Variants in MACROD2 observed in about 807,000 individuals in gnomAD.
MACROD2 encodes the protein ADP-ribose glycohydrolase MACROD2.
Under a neutral mutation model 70.4 loss-of-function variants are expected in MACROD2, and 36 were observed. That is an observed-to-expected ratio of 0.51 (90% confidence interval 0.39 to 0.68). MACROD2 has a LOEUF of 0.68. MACROD2 is among the 30% of genes least tolerant of loss of function. MACROD2 has a pLI of 0.00. For missense variants in MACROD2, 496 were observed against 538.4 expected (o/e 0.92, Z 0.78); for synonymous variants, 172 against 178.8 (o/e 0.96, Z 0.30).
rs1371958518 is a variant in MACROD2, at chr20:15,085,858, AACACACACACACACAACACACACAC to A, written c.419-144066_419-144042del. 5.2e-5 allele frequency among the ~76,000 whole-genome samples: 7 copies of A among 135,862 alleles called. 1 individual carries two copies. In the East Asian group the frequency reaches 1.2e-3, roughly 24 times the overall value. 89.1% of individuals were successfully genotyped at this position (135,862 alleles called of 152,430 possible). On this transcript the variant is annotated intron_variant, in intron 5 of 17. Coordinates refer to ENST00000684519, the MANE Select transcript of MACROD2 (RefSeq NM_001351661.2). Reference sequence around the variant, plus strand: ...GACCTTGCAGAATTTAAAGATGAATAACACACACACACACAACACACACACACACACACACACACACACACACACA... The same window carrying A: ...GACCTTGCAGAATTTAAAGATGAATAACACACACACACACACACACACACA...
rs532767549 is a variant in MACROD2, at chr20:15,237,844, G to A, written c.540+7783G>A. On this transcript the variant is annotated intron_variant, in intron 6 of 17. Coordinates refer to ENST00000684519, the MANE Select transcript of MACROD2 (RefSeq NM_001351661.2). The stretch of plus-strand genomic sequence containing the variant: ...ATCAGCTGGCTGAGGACTGCTCCTG[G>A]GTCATTAACTTCCCAGCATTTCTTA... Among the ~76,000 whole-genome samples the A allele has an allele frequency of 3.9e-5, 6 of 152,096 alleles. No homozygotes were observed. In the East Asian group the frequency reaches 1.2e-3, roughly 29 times the overall value.
intron 6 of MACROD2, among the ~76,000 whole-genome samples, chr20:15,409,044 A>G (rs1216077420): frequency 6.6e-6 from 1 of 152,170 alleles, no homozygotes; most frequent in East Asian, 1.9e-4. Context: ...CTGATAATTA[A>G]AGCTATAAGA....
intron 4 of MACROD2, among the ~76,000 whole-genome samples, chr20:14,496,511 C>T (rs1168575050): frequency 6.6e-6 from 1 of 152,132 alleles, no homozygotes; most frequent in Non-Finnish European, 1.5e-5. Flanking sequence ...CACATATCAT[C>T]CTCTCAGTGC....
intron 3 of MACROD2, among the ~76,000 whole-genome samples, chr20:14,375,065 A>C (rs1447468221): frequency 6.6e-6 from 1 of 152,104 alleles, no homozygotes; most frequent in African/African-American, 2.4e-5. Flanking sequence ...TTTTTGTCCT[A>C]AAAGGAAATT....
At chr20:15,191,502 TC>T (rs56253953) in intron 5 of MACROD2, among the ~76,000 whole-genome samples, 20,680 of 152,064 alleles carry the variant, frequency 0.14, 2,063 homozygotes, top group African/African-American at 0.28. Flanking sequence ...GCAGCACAAG[TC>T]CCCGAACCCA....
intron 4 of MACROD2, among the ~76,000 whole-genome samples, chr20:14,634,719 C>T (rs1186630937): frequency 6.6e-6 from 1 of 152,128 alleles, no homozygotes; most frequent in Non-Finnish European, 1.5e-5. Flanking sequence ...ATGCTGAAGG[C>T]TTTTTATTGT....
intron 15 of MACROD2, among the ~76,000 whole-genome samples, chr20:16,023,175 A>G (rs923555433): frequency 3.4e-5 from 5 of 148,122 alleles, no homozygotes; most frequent in African/African-American, 1.2e-4. Flanking sequence ...AGACTGAAGA[A>G]GATATAAGAG....
At chr20:14,216,331 T>C (rs757646316) in intron 3 of MACROD2, among the ~76,000 whole-genome samples, 3 of 152,168 alleles carry the variant, frequency 2.0e-5, no homozygotes, top group Non-Finnish European at 2.9e-5. Flanking sequence ...TTTGGGTTTA[T>C]TTCTGGGCTC....
At chr20:14,051,882 A>G (rs1201237835) in intron 2 of MACROD2, 2 of 515,464 alleles carry the variant, frequency 3.9e-6, no homozygotes, top group African/African-American at 3.9e-5. Flanking sequence ...TCAATATGCC[A>G]CATCTACTAT....
At chr20:14,524,141 T>A (rs552450096) in intron 4 of MACROD2, among the ~76,000 whole-genome samples, 3 of 152,336 alleles carry the variant, frequency 2.0e-5, no homozygotes, top group Non-Finnish European at 4.4e-5. Flanking sequence ...GTATTTATAA[T>A]TACATTGCCT....
chr20:16,009,735 C>T (rs556793948), intron 15 of MACROD2, among the ~76,000 whole-genome samples: 35 of 151,480 alleles, frequency 2.3e-4, no homozygotes, highest in South Asian at 2.3e-3. Flanking sequence ...CCAGCCTGCG[C>T]GATAAGAGCA....
intron 13 of MACROD2, among the ~76,000 whole-genome samples, chr20:15,982,309 G>C (rs1407160297): frequency 1.3e-5 from 2 of 152,186 alleles, no homozygotes; most frequent in Non-Finnish European, 2.9e-5. Flanking sequence ...TAAAATAATA[G>C]GACTGTAGCA....
intron 8 of MACROD2, among the ~76,000 whole-genome samples, chr20:15,819,486 T>C (rs906900677): frequency 1.4e-5 from 2 of 146,046 alleles, no homozygotes; most frequent in Non-Finnish European, 3.0e-5. Context: ...TATAGTTATA[T>C]TGATATATAA....
At chr20:15,191,186 A>C (rs559104582) in intron 5 of MACROD2, among the ~76,000 whole-genome samples, 1 of 152,190 alleles carries the variant, frequency 6.6e-6, no homozygotes, top group Non-Finnish European at 1.5e-5. Flanking sequence ...GCAACTATGT[A>C]GAATGTACCT....
At chr20:15,871,389 T>C (rs1415728658) in intron 9 of MACROD2, among the ~76,000 whole-genome samples, 1 of 152,104 alleles carries the variant, frequency 6.6e-6, no homozygotes, top group Non-Finnish European at 1.5e-5. Flanking sequence ...ACACTGATTT[T>C]ATAAGTTTAT....
At chr20:15,214,101 G>T (rs759589642) in intron 5 of MACROD2, among the ~76,000 whole-genome samples, 3 of 152,138 alleles carry the variant, frequency 2.0e-5, no homozygotes, top group Admixed American at 6.5e-5. Context: ...TCCAGCTTCT[G>T]TGCTTTCTCC....
At chr20:14,847,775 T>C (rs2073159303) in intron 5 of MACROD2, among the ~76,000 whole-genome samples, 2 of 152,178 alleles carry the variant, frequency 1.3e-5, no homozygotes, top group African/African-American at 2.4e-5. Flanking sequence ...ACAATTCTTC[T>C]GTCACTGTAT....
chr20:14,734,370 G>A (rs190884666), intron 5 of MACROD2, among the ~76,000 whole-genome samples: 1,669 of 151,572 alleles, frequency 0.011, 29 homozygotes, highest in African/African-American at 0.038. Context: ...GTGTAGTGGC[G>A]GGTGCCTGTA....
At chr20:15,700,542 C>T (rs902366476) in intron 8 of MACROD2, among the ~76,000 whole-genome samples, 25 of 152,282 alleles carry the variant, frequency 1.6e-4, no homozygotes, top group Middle Eastern at 3.4e-3. Context: ...CTCTGGCAAG[C>T]CCAAACACGT....
Sources: gnomAD v4.1 joint callset for allele counts (sites outside exome capture counted in the v4.1 genomes callset) on GRCh38, gnomAD v4.1.1 for gene constraint, MANE v1.5 for transcripts, NCBI Gene and HGNC (gene_info 2026-07-23, HGNC 2026-07-21) for gene names.